LCLAT1: variants seen among roughly 807,000 people sequenced by gnomAD.
LCLAT1 encodes the protein 1-AGP acyltransferase 8.
Under a neutral mutation model 30.7 loss-of-function variants are expected in LCLAT1, and 11 were observed. That is an observed-to-expected ratio of 0.36 (90% CI 0.23 to 0.59). The LOEUF is 0.59. Ranked by LOEUF, LCLAT1 falls within the 20% of genes least tolerant of loss-of-function variation. The pLI, the probability that LCLAT1 is intolerant of heterozygous loss-of-function variation, is 0.77. For missense variants in LCLAT1, 402 were observed against 458.6 expected (o/e 0.88, Z 1.13); for synonymous variants, 155 against 151.3 (o/e 1.02, Z -0.18).
chr2:30,613,340 G>T (rs529080374), intron 5 of LCLAT1, among the ~76,000 whole-genome samples: 1 of 152,170 alleles, frequency 6.6e-6, no homozygotes, highest in African/African-American at 2.4e-5. Flanking sequence ...TCTGTAGGTC[G>T]GGCAGGTGGG....
At chr2:30,616,608 A>G (rs1484645353) in intron 5 of LCLAT1, among the ~76,000 whole-genome samples, 1 of 152,184 alleles carries the variant, frequency 6.6e-6, no homozygotes, top group Non-Finnish European at 1.5e-5. Flanking sequence ...CTTTCTAGAT[A>G]GTAGCAAGAA....
At chr2:30,579,376 C>T (rs903405475) in intron 5 of LCLAT1, among the ~76,000 whole-genome samples, 6 of 152,048 alleles carry the variant, frequency 3.9e-5, no homozygotes, top group African/African-American at 1.4e-4. Flanking sequence ...TGCATATAAT[C>T]TGAATCTTCT....
rs77400960 is a variant in LCLAT1, at chr2:30,532,264, C to T, written c.166-852C>T. Among the ~76,000 whole-genome samples, 1,054 of 152,194 alleles carry T rather than the reference C, an allele frequency of 6.9e-3. 12 individuals carry two copies. Among genetic ancestry groups the T allele is most frequent in the African/African-American group, 0.024 (1,014 of 41,520 alleles). On this transcript the variant is annotated intron_variant, in intron 2 of 5. Coordinates refer to ENST00000379509, the MANE Select transcript of LCLAT1 (RefSeq NM_001002257.3). ...GAGTATACCACAGTTTGTCTATTGG[C>T]TATACCTTGTTCAAGATTATCATGA... is the stretch of plus-strand genomic sequence containing the variant.
At chr2:30,482,609 G>A (rs557508050) in intron 1 of LCLAT1, among the ~76,000 whole-genome samples, 2 of 152,200 alleles carry the variant, frequency 1.3e-5, no homozygotes, top group South Asian at 4.1e-4. Flanking sequence ...ATGCTGTGTA[G>A]TAATGTAGTT....
At chr2:30,450,053 A>G (rs1266805156) in intron 1 of LCLAT1, among the ~76,000 whole-genome samples, 5 of 152,228 alleles carry the variant, frequency 3.3e-5, no homozygotes, top group Non-Finnish European at 7.3e-5. Context: ...TTTAGGATGT[A>G]AACATTAACT....
intron 5 of LCLAT1, among the ~76,000 whole-genome samples, chr2:30,569,754 C>T (rs1665690879): frequency 6.6e-6 from 1 of 152,196 alleles, no homozygotes; most frequent in South Asian, 2.1e-4. Context: ...TTCAAAATCA[C>T]ATGGTATGGT....
At chr2:30,510,800 A>T (rs775462406) in intron 1 of LCLAT1, among the ~76,000 whole-genome samples, 12 of 151,800 alleles carry the variant, frequency 7.9e-5, no homozygotes, top group Non-Finnish European at 1.8e-4. Context: ...ATTTTTTCTC[A>T]ACTTTATTTT....
At chr2:30,448,322 A>G (rs185899086) in intron 1 of LCLAT1, among the ~76,000 whole-genome samples, 11 of 152,288 alleles carry the variant, frequency 7.2e-5, no homozygotes, top group South Asian at 4.1e-4. Flanking sequence ...TTAGTTTTCA[A>G]AAAACTGACT....
intron 5 of LCLAT1, among the ~76,000 whole-genome samples, chr2:30,616,965 A>G (rs776951861): frequency 6.6e-6 from 1 of 152,194 alleles, no homozygotes; most frequent in Admixed American, 6.5e-5. Context: ...ACTATAGCAC[A>G]TATTACAGAT....
At chr2:30,506,640 G>A (rs565025394) in intron 1 of LCLAT1, among the ~76,000 whole-genome samples, 72 of 152,184 alleles carry the variant, frequency 4.7e-4, no homozygotes, top group African/African-American at 1.7e-3. Flanking sequence ...GACTCAAAAG[G>A]AAAACAAATA....
intron 5 of LCLAT1, among the ~76,000 whole-genome samples, chr2:30,594,950 A>C (rs575604622): frequency 6.6e-6 from 1 of 152,318 alleles, no homozygotes; most frequent in East Asian, 1.9e-4. Context: ...CCTAAAGCCT[A>C]TCCCATTCAG....
intron 3 of LCLAT1, among the ~76,000 whole-genome samples, chr2:30,557,038 C>T (rs1440134948): frequency 2.6e-5 from 4 of 152,090 alleles, no homozygotes; most frequent in Non-Finnish European, 4.4e-5. Context: ...GCCACCATGC[C>T]CGGCCTAGAA....
chr2:30,562,633 A>G (rs764481822), intron 4 of LCLAT1, among the ~76,000 whole-genome samples: 18 of 152,214 alleles, frequency 1.2e-4, no homozygotes, highest in Non-Finnish European at 2.2e-4. Flanking sequence ...GGCAACTCCA[A>G]GCGGTCATAT....
chr2:30,599,056 C>T (rs1301942637), intron 5 of LCLAT1, among the ~76,000 whole-genome samples: 1 of 151,650 alleles, frequency 6.6e-6, no homozygotes, highest in Non-Finnish European at 1.5e-5. Context: ...GATCTCGGCT[C>T]ACTGCAACCT....
intron 1 of LCLAT1, among the ~76,000 whole-genome samples, chr2:30,477,776 C>A (rs906100484): frequency 6.6e-6 from 1 of 152,044 alleles, no homozygotes; most frequent in Admixed American, 6.5e-5. Flanking sequence ...TTTAAGAAGT[C>A]TAGAAAGATT....
intron 3 of LCLAT1, among the ~76,000 whole-genome samples, chr2:30,545,829 C>G (rs1233859824): frequency 6.6e-6 from 1 of 152,080 alleles, no homozygotes; most frequent in Non-Finnish European, 1.5e-5. Context: ...GTACCCAACT[C>G]ATGGCTTCTT....
At chr2:30,460,592 G>A (rs1682067150) in intron 1 of LCLAT1, among the ~76,000 whole-genome samples, 1 of 152,158 alleles carries the variant, frequency 6.6e-6, no homozygotes, top group Non-Finnish European at 1.5e-5. Context: ...TTCGGTTCCT[G>A]ACAATGAGCT....
intron 1 of LCLAT1, among the ~76,000 whole-genome samples, chr2:30,517,291 G>A (rs912782060): frequency 1.3e-5 from 2 of 152,118 alleles, no homozygotes; most frequent in Non-Finnish European, 2.9e-5. Context: ...AGGCACCTAG[G>A]CTATGAACCC....
chr2:30,532,562 T>C (rs554668171), intron 2 of LCLAT1, among the ~76,000 whole-genome samples: 1 of 152,190 alleles, frequency 6.6e-6, no homozygotes, highest in African/African-American at 2.4e-5. Flanking sequence ...CAGCAATTAT[T>C]TGAACATTAC....
Sources: allele counts gnomAD v4.1 joint callset (sites outside exome capture counted in the v4.1 genomes callset), GRCh38; gene constraint gnomAD v4.1.1; transcripts MANE v1.5; gene names NCBI Gene and HGNC (gene_info 2026-07-23, HGNC 2026-07-21).